SYNE2: variants seen among roughly 807,000 people sequenced by gnomAD.
SYNE2 encodes the protein spectrin repeat containing nuclear envelope protein 2.
In SYNE2, 431 loss-of-function variants were observed where a neutral mutation model predicts 856.3. The observed-to-expected ratio is 0.50, with a 90% CI of 0.47 to 0.55. The LOEUF (loss-of-function observed/expected upper bound fraction) is 0.55, where lower values mean the gene tolerates loss of function less well. Among genes scored for constraint, SYNE2 ranks in the 20% least tolerant of loss-of-function variants. The probability of loss-of-function intolerance (pLI) is 0.00; values close to 1 mark genes in which losing one functional copy is unlikely to be tolerated. For synonymous variants in SYNE2, 2,923 were observed against 2,872.3 expected (o/e 1.02, Z -0.56); for missense variants, 8,129 against 8,023.2 (o/e 1.01, Z -0.50).
chr14:64,158,975 A>C (rs1246724566), intron 86 of SYNE2, among the ~76,000 whole-genome samples, 180 bp downstream of exon 86: 1 of 152,216 alleles, frequency 6.6e-6, no homozygotes, highest in African/African-American at 2.4e-5. Flanking sequence ...CAAATCAGTA[A>C]AACATTGTAA....
chr14:63,963,782 G>T, intron 9 of SYNE2, 117 bp from the exon 10 acceptor site: 1 of 708,022 alleles, frequency 1.4e-6, no homozygotes, highest in Non-Finnish European at 2.5e-6. Context: ...TTGGCATAAT[G>T]AATCATTGGT....
chr14:64,178,999 C>G (rs1046203990), intron 96 of SYNE2, among the ~76,000 whole-genome samples: 3 of 151,968 alleles, frequency 2.0e-5, no homozygotes, highest in African/African-American at 4.8e-5. Flanking sequence ...ATCCTTTGAG[C>G]CCAGTAGGTC....
intron 1 of SYNE2, among the ~76,000 whole-genome samples, chr14:63,861,144 GTTTTT>G (rs71123806): frequency 2.3e-5 from 3 of 128,366 alleles, no homozygotes; most frequent in Admixed American, 8.1e-5. Context: ...TTACCACATT[GTTTTT>G]TTTTTTTTTT....
intron 11 of SYNE2, among the ~76,000 whole-genome samples, chr14:63,975,556 AC>A (rs2096535506): frequency 6.6e-6 from 1 of 150,956 alleles, no homozygotes; most frequent in Non-Finnish European, 1.5e-5. Context: ...CTGGTCTTGA[AC>A]TCCTGTGCTC....
Position 63,967,717 on chromosome 14 carries a change from G to T in SYNE2, c.999G>T (p.Leu333=), listed in dbSNP as rs1352526505. ...DTYFKKYNSL[L]SFMESFNEEK... is the part of the protein sequence containing the mutation. Reference sequence around the variant, plus strand: ...TACTCTTCTAATTGCAGAGCCTGCTGTCCTTTATGGAGTCATTCAATGAAG... The same window carrying T: ...TACTCTTCTAATTGCAGAGCCTGCTTTCCTTTATGGAGTCATTCAATGAAG... Residue 333 remains leucine, a synonymous_variant, in exon 11 of 116, where the codon CTG becomes CTT. Transcript: ENST00000555002. 6.2e-7 allele frequency: 1 copy of T among 1,614,038 alleles called. No homozygotes were observed. Among genetic ancestry groups the T allele is most frequent in the South Asian group, 1.1e-5 (1 of 91,076 alleles).
intron 60 of SYNE2, among the ~76,000 whole-genome samples, 182 bp downstream of exon 60, chr14:64,091,230 A>G (rs899330374): frequency 6.6e-6 from 1 of 152,200 alleles, no homozygotes; most frequent in African/African-American, 2.4e-5. Context: ...CTTATCCTTT[A>G]AGACATTAAA....
intron 1 of SYNE2, among the ~76,000 whole-genome samples, chr14:63,891,037 T>C (rs898362045): frequency 3.9e-5 from 6 of 152,186 alleles, no homozygotes; most frequent in African/African-American, 1.4e-4. Context: ...ACTCTCAGCT[T>C]TTCATGAATT....
intron 2 of SYNE2, among the ~76,000 whole-genome samples, chr14:63,919,409 C>G (rs2095570376): frequency 6.6e-6 from 1 of 152,084 alleles, no homozygotes; most frequent in African/African-American, 2.4e-5. Flanking sequence ...GAAGCGGGTC[C>G]AATCTGAGGT....
At chr14:63,803,406 C>T (rs1395074811) in intron 1 of SYNE2, among the ~76,000 whole-genome samples, 2 of 152,220 alleles carry the variant, frequency 1.3e-5, no homozygotes, top group East Asian at 3.9e-4. Flanking sequence ...CCGAGCCCTG[C>T]CCCGCAGAAA....
intron 11 of SYNE2, among the ~76,000 whole-genome samples, chr14:63,975,996 G>A (rs1202259041): frequency 6.6e-6 from 1 of 152,248 alleles, no homozygotes; most frequent in East Asian, 1.9e-4. Context: ...AGCAGTCAGA[G>A]TGTGTTTCTC....
At chr14:64,164,874 T>G (rs921990438) in intron 89 of SYNE2, among the ~76,000 whole-genome samples, 55 of 150,866 alleles carry the variant, frequency 3.6e-4, no homozygotes, top group Admixed American at 2.0e-3. Flanking sequence ...TTTTGTTTTT[T>G]TTTGTTTGTT....
At chr14:64,042,465 G>A (rs2097156128) in intron 45 of SYNE2, among the ~76,000 whole-genome samples, 1 of 152,138 alleles carries the variant, frequency 6.6e-6, no homozygotes, top group Admixed American at 6.5e-5. Flanking sequence ...ATATGGTTTG[G>A]CTGTGTCCCC....
chr14:63,804,634 C>T (rs1888288673), intron 1 of SYNE2, among the ~76,000 whole-genome samples: 2 of 152,114 alleles, frequency 1.3e-5, no homozygotes, highest in East Asian at 3.9e-4. Context: ...GCTGTGATTA[C>T]AGGCATGTGC....
chr14:64,203,017 T>A, intron 100 of SYNE2, 54 bp downstream of exon 100: 1 of 1,601,798 alleles, frequency 6.2e-7, no homozygotes, highest in Non-Finnish European at 8.5e-7. Flanking sequence ...CGATATGCAC[T>A]GACTGAGGCC....
chr14:63,821,985 G>C (rs527815542), intron 1 of SYNE2, among the ~76,000 whole-genome samples: 2 of 152,246 alleles, frequency 1.3e-5, no homozygotes, highest in African/African-American at 4.8e-5. Context: ...GAGGTTAGGA[G>C]CTCAAGACCA....
In SYNE2 at chr14:63,854,811, A is replaced by G. The variant is rs138611766; in HGVS notation, c.-52+1668A>G. ...TAGGATATTACAGAATGTTTAGAGA[A>G]CTGAGTCACAATGAGGTTATTCTGA... On this transcript the variant is annotated intron_variant, in intron 1 of 115. Transcript: ENST00000555002. 3.2e-3 allele frequency among the ~76,000 whole-genome samples: 481 copies of G among 152,348 alleles called. 1 individual carries two copies. Among genetic ancestry groups the G allele is most frequent in the African/African-American group, 0.011 (460 of 41,578 alleles).
At position 64,138,200 on chromosome 14, in the gene SYNE2, TTTTTC is replaced by T. The variant is rs150940325; in HGVS notation, c.14843+242_14843+246del. Reference sequence around the variant, plus strand: ...CATGTAATCAGTTTGCTGTGATCGTTTTTTCTTTTCTTTTCTTTTCTTTTCTTTTT... The same window carrying T: ...CATGTAATCAGTTTGCTGTGATCGTTTTTTCTTTTCTTTTCTTTTCTTTTT... On this transcript the variant is annotated intron_variant, in intron 79 of 115. Coordinates refer to ENST00000555002, the MANE Select transcript of SYNE2 (RefSeq NM_182914.3). Among the ~76,000 whole-genome samples the T allele has an allele frequency of 0.13, 19,134 of 151,694 alleles. 1,366 individuals carry two copies. Among genetic ancestry groups the T allele is most frequent in the Admixed American group, 0.17 (2,622 of 15,160 alleles).
chr14:63,993,930 T>G lies in SYNE2; in HGVS notation c.2742T>G (p.Ser914=), dbSNP rs1385807695. The G allele has an allele frequency of 6.2e-7, 1 of 1,613,692 alleles. No homozygotes were observed. Among genetic ancestry groups the G allele is most frequent in the South Asian group, 1.1e-5 (1 of 91,040 alleles). ...KNNVTEDIKM[S]LEEKSRDVCA... ...ATGTAACTGAGGACATAAAGATGTC[T>G]TTAGAAGAAAAGAGTAGAGATGTCT... is the stretch of plus-strand genomic sequence containing the variant. Residue 914 remains serine (S), a synonymous_variant, in exon 22 of 116, where the codon TCT becomes TCG. Transcript: ENST00000555002.
At chr14:64,223,904 C>T (rs2098706181) in intron 113 of SYNE2, among the ~76,000 whole-genome samples, 1 of 152,194 alleles carries the variant, frequency 6.6e-6, no homozygotes, top group Non-Finnish European at 1.5e-5. Flanking sequence ...TCACCATCTA[C>T]TCAAACTGCT....
Sources: allele counts gnomAD v4.1 joint callset (sites outside exome capture counted in the v4.1 genomes callset), GRCh38; gene constraint gnomAD v4.1.1; transcripts MANE v1.5; gene names NCBI Gene and HGNC (gene_info 2026-07-23, HGNC 2026-07-21).